The following NWD1 variants were observed in gnomAD, a reference collection of about 807,000 sequenced individuals.
NWD1 encodes the protein NACHT domain- and WD repeat-containing protein 1.
NWD1 carries 129 observed loss-of-function variants against 135.1 expected under a neutral mutation model. The ratio of observed to expected loss-of-function variants is 0.96; its 90% confidence interval spans 0.83 to 1.11. The LOEUF (loss-of-function observed/expected upper bound fraction) is 1.11. NWD1 is among the 50% of genes least tolerant of loss of function. The pLI is 0.00. For missense variants in NWD1, 1,740 were observed against 1,851.3 expected (o/e 0.94, Z 1.10); for synonymous variants, 773 against 786.0 (o/e 0.98, Z 0.28).
At chr19:16,773,065 T>C (rs561654797) in intron 10 of NWD1, 61 bp from the exon 11 acceptor site, 16 of 1,423,072 alleles carry the variant, frequency 1.1e-5, no homozygotes, top group Admixed American at 1.7e-5. Flanking sequence ...AGAGACTCAA[T>C]TGGCAGGGAG....
chr19:16,805,027 A>T (rs559554276), intron 17 of NWD1, among the ~76,000 whole-genome samples: 13 of 150,938 alleles, frequency 8.6e-5, no homozygotes, highest in South Asian at 8.3e-4. Context: ...TTATTTATTT[A>T]TTTATTTTTA....
intron 16 of NWD1, among the ~76,000 whole-genome samples, chr19:16,798,149 G>T (rs1187153589): frequency 6.6e-6 from 1 of 150,752 alleles, no homozygotes; most frequent in African/African-American, 2.4e-5. Flanking sequence ...TCAGAGTGGA[G>T]CAGGGTTGTG....
intron 2 of NWD1, among the ~76,000 whole-genome samples, chr19:16,724,873 T>G (rs1033717536): frequency 2.0e-5 from 3 of 151,676 alleles, no homozygotes; most frequent in African/African-American, 7.3e-5. Flanking sequence ...TTTGTATTTT[T>G]AGTAGAGATG....
intron 15 of NWD1, among the ~76,000 whole-genome samples, chr19:16,795,754 G>A (rs1970398276): frequency 6.6e-6 from 1 of 152,066 alleles, no homozygotes; most frequent in Non-Finnish European, 1.5e-5. Flanking sequence ...GCAACCCAAT[G>A]GATGGTGGCA....
intron 4 of NWD1, among the ~76,000 whole-genome samples, chr19:16,737,576 T>G (rs1967875948): frequency 6.6e-6 from 1 of 151,366 alleles, no homozygotes; most frequent in Admixed American, 6.6e-5. Context: ...GTTTTTTTTT[T>G]TTTTTGAGAT....
chr19:16,755,944 C>T (rs1056446121), intron 6 of NWD1, among the ~76,000 whole-genome samples: 25 of 152,120 alleles, frequency 1.6e-4, no homozygotes, highest in Non-Finnish European at 2.9e-4. Context: ...TTTGACTCCC[C>T]TAAAACTTAA....
chr19:16,785,513 AAAAAT>A lies in NWD1; in HGVS notation c.2732-3445_2732-3441del, dbSNP rs569369668. ...GAGACAGAGTGAGACTCTGTCTCAA[AAAAAT>A]AAAATAAAATAAAATAAAATAAACA... On this transcript the variant is annotated intron_variant, in intron 12 of 18. Transcript: ENST00000524140. Among the ~76,000 whole-genome samples the A allele has an allele frequency of 6.7e-3, 1,024 of 151,972 alleles. 7 individuals are homozygous for A. Among genetic ancestry groups the A allele is most frequent in the African/African-American group, 0.023 (947 of 41,432 alleles).
At chr19:16,784,299 G>A (rs956804647) in intron 12 of NWD1, among the ~76,000 whole-genome samples, 20 of 151,926 alleles carry the variant, frequency 1.3e-4, no homozygotes, top group African/African-American at 4.6e-4. Flanking sequence ...CTGGGAGATC[G>A]AGGCTGCAGT....
chr19:16,800,741 G>A (rs1438416994), intron 17 of NWD1, among the ~76,000 whole-genome samples: 1 of 151,878 alleles, frequency 6.6e-6, no homozygotes, highest in Non-Finnish European at 1.5e-5. Flanking sequence ...TTCTTATAAG[G>A]GCACTAATCC....
In NWD1 at chr19:16,799,870, T is replaced by C. The variant is rs759238338; in HGVS notation, c.3460-16T>C. The C allele has an allele frequency of 6.3e-7, 1 of 1,585,124 alleles. No homozygotes were observed. Among genetic ancestry groups the C allele is most frequent in the Non-Finnish European group, 8.6e-7 (1 of 1,165,160 alleles). The stretch of plus-strand genomic sequence containing the variant: ...ACAGAAGATGTCAGATCTGCCCTCC[T>C]GTTCTGCTTCCTCAGGTGTGGAGTC... On this transcript the variant is annotated splice_polypyrimidine_tract_variant and intron_variant, in intron 16 of 18. Transcript: ENST00000524140.
chr19:16,790,985 A>C (rs1376996454), intron 13 of NWD1, among the ~76,000 whole-genome samples: 1 of 152,134 alleles, frequency 6.6e-6, no homozygotes, highest in Admixed American at 6.6e-5. Flanking sequence ...TAATCCCAGC[A>C]CTTTGAGAGG....
At chr19:16,768,803 C>T (rs1257927976) in intron 10 of NWD1, among the ~76,000 whole-genome samples, 4 of 152,134 alleles carry the variant, frequency 2.6e-5, no homozygotes, top group Non-Finnish European at 5.9e-5. Flanking sequence ...AAGTGCTTCC[C>T]CATGGATGTG....
chr19:16,736,517 A>G lies in NWD1; in HGVS notation c.82-117A>G, dbSNP rs1041948240. ...GTTCTTTTAATCCAGACATCCCCCT[A>G]CAGGAAGAGGCTGTCAAAAATTTTT... On this transcript the variant is annotated intron_variant, in intron 3 of 18. Transcript: ENST00000524140. 10 of 673,812 alleles carry G rather than the reference A, an allele frequency of 1.5e-5. No homozygotes were observed. The South Asian group carries it at 1.5e-4, about 10-fold the overall frequency. 41.7% of individuals were successfully genotyped at this position (673,812 alleles called of 1,614,324 possible). A position where few individuals can be genotyped will look rare whatever the true frequency, so the allele number is the denominator to read the frequency against.
intron 5 of NWD1, among the ~76,000 whole-genome samples, chr19:16,748,819 G>A (rs183646318): frequency 3.3e-5 from 5 of 150,316 alleles, no homozygotes; most frequent in Non-Finnish European, 2.9e-5. Context: ...GTGAGACCCT[G>A]TCTCAATAAT....
intron 17 of NWD1, among the ~76,000 whole-genome samples, chr19:16,803,774 AAT>A (rs1324151545): frequency 1.1e-4 from 17 of 151,418 alleles, no homozygotes; most frequent in Admixed American, 4.0e-4. Context: ...AAAAAAAAAA[AAT>A]TATCTGGGCG....
At chr19:16,760,144 G>A (rs1968953686) in intron 7 of NWD1, among the ~76,000 whole-genome samples, 1 of 151,048 alleles carries the variant, frequency 6.6e-6, no homozygotes. Context: ...GACAGAGTGA[G>A]ATCCTGTTTC....
rs757542502 is a variant in NWD1, at chr19:16,807,959, C to T, written c.4110C>T (p.Asp1370=). The T allele has an allele frequency of 3.1e-6, 5 of 1,614,142 alleles. No homozygotes were observed. In the South Asian group the frequency reaches 3.3e-5, roughly 11 times the overall value. Residue 1370 remains aspartate (D), a synonymous_variant, in exon 18 of 19, where the codon GAC becomes GAT. Transcript: ENST00000524140. ...YRVVYSMTNG[D]LFLYECATSK... Reference sequence around the variant, plus strand: ...TGGTCTACAGCATGACCAATGGGGACCTCTTTCTTTACGAGTGTGCAACTT... The same window carrying T: ...TGGTCTACAGCATGACCAATGGGGATCTCTTTCTTTACGAGTGTGCAACTT...
At chr19:16,771,973 A>G (rs1033184082) in intron 10 of NWD1, among the ~76,000 whole-genome samples, 3 of 151,458 alleles carry the variant, frequency 2.0e-5, no homozygotes, top group African/African-American at 7.3e-5. Flanking sequence ...AATTTTTCTT[A>G]ATAGCCCATT....
chr19:16,766,586 T>C (rs1003229359), intron 10 of NWD1, among the ~76,000 whole-genome samples: 1 of 107,090 alleles, frequency 9.3e-6, no homozygotes. Flanking sequence ...ATACATGTCT[T>C]AACCATTTTT....
Sources: gnomAD v4.1 joint callset for allele counts (sites outside exome capture counted in the v4.1 genomes callset) on GRCh38, gnomAD v4.1.1 for gene constraint, MANE v1.5 for transcripts, NCBI Gene and HGNC (gene_info 2026-07-23, HGNC 2026-07-21) for gene names.